Variants in EBF1 observed in about 807,000 individuals in gnomAD.
The protein encoded by EBF1 is EBF transcription factor 1.
In EBF1, 10 loss-of-function variants were observed where a neutral mutation model predicts 68.4. The ratio of observed to expected loss-of-function variants is 0.15; its 90% confidence interval spans 0.09 to 0.25. The LOEUF (loss-of-function observed/expected upper bound fraction) is 0.25. Among genes scored for constraint, EBF1 ranks in the 10% least tolerant of loss-of-function variants. The pLI, the probability that EBF1 is intolerant of heterozygous loss-of-function variation, is 1.00. For synonymous variants in EBF1, 298 were observed against 299.8 expected (o/e 0.99, Z 0.06); for missense variants, 509 against 794.4 (o/e 0.64, Z 4.32).
chr5:158,989,033 T>G (rs967678835), intron 6 of EBF1, among the ~76,000 whole-genome samples: 1 of 152,182 alleles, frequency 6.6e-6, no homozygotes, highest in Non-Finnish European at 1.5e-5. Context: ...AGGAACATCG[T>G]TGACGTGTCC....
At chr5:158,826,637 G>T (rs1458952244) in intron 7 of EBF1, among the ~76,000 whole-genome samples, 1 of 152,068 alleles carries the variant, frequency 6.6e-6, no homozygotes, top group Non-Finnish European at 1.5e-5. Context: ...TTTCTATTAG[G>T]GGGCTTTGCT....
At chr5:158,983,765 TA>T (rs766388953) in intron 6 of EBF1, 1 of 152,120 alleles carries the variant, frequency 6.6e-6, no homozygotes, top group East Asian at 1.9e-4. Flanking sequence ...AGGGAAAAGG[TA>T]TGACCAAATC....
intron 6 of EBF1, among the ~76,000 whole-genome samples, chr5:158,899,254 A>C (rs1802788671): frequency 6.6e-6 from 1 of 152,234 alleles, no homozygotes; most frequent in African/African-American, 2.4e-5. Context: ...TGGCACTGAA[A>C]ACAGGCCATG....
rs1339222907 is a variant in EBF1, at chr5:158,969,952, C to A, written c.554+103444G>T. On this transcript the variant is annotated intron_variant, in intron 6 of 15. Transcript: ENST00000313708. ...AAAAGGCTGCTGGAAGTTTTGCAAA[C>A]TTCAAATGCCTACAATGAAAATTGG... Among the ~76,000 whole-genome samples the A allele has an allele frequency of 1.4e-5, 2 of 145,550 alleles. 1 individual carries two copies. Among genetic ancestry groups the A allele is most frequent in the Non-Finnish European group, 3.0e-5 (2 of 66,266 alleles).
chr5:158,716,890 T>A (rs1478529772), intron 11 of EBF1, among the ~76,000 whole-genome samples: 6 of 152,160 alleles, frequency 3.9e-5, no homozygotes, highest in South Asian at 4.1e-4. Flanking sequence ...CTGTCCAAGG[T>A]GCTAAATTTA....
intron 6 of EBF1, among the ~76,000 whole-genome samples, chr5:158,940,531 T>A (rs1403690918): frequency 6.6e-6 from 1 of 152,182 alleles, no homozygotes; most frequent in South Asian, 2.1e-4. Context: ...TGGCAAGTGG[T>A]GAAGCTGGGA....
intron 6 of EBF1, among the ~76,000 whole-genome samples, chr5:158,869,427 G>A (rs928736188): frequency 1.3e-5 from 2 of 152,112 alleles, no homozygotes; most frequent in Non-Finnish European, 2.9e-5. Flanking sequence ...AGTCTGTGGG[G>A]TCACAGGAGG....
At chr5:158,750,008 G>A (rs950013138) in intron 10 of EBF1, among the ~76,000 whole-genome samples, 1 of 151,942 alleles carries the variant, frequency 6.6e-6, no homozygotes, top group Admixed American at 6.6e-5. Context: ...ATCTCCCTTT[G>A]GACAATGAGA....
intron 8 of EBF1, among the ~76,000 whole-genome samples, chr5:158,813,542 C>A (rs1354168581): frequency 6.6e-6 from 1 of 152,144 alleles, no homozygotes; most frequent in African/African-American, 2.4e-5. Flanking sequence ...GAAATTGGAT[C>A]CTTTCACCTG....
At chr5:158,742,362 A>G (rs1036190880) in intron 10 of EBF1, among the ~76,000 whole-genome samples, 2 of 152,270 alleles carry the variant, frequency 1.3e-5, no homozygotes, top group South Asian at 2.1e-4. Flanking sequence ...TTGACAGGAT[A>G]TATGTTCCTT....
At chr5:158,928,374 G>A (rs2127430147) in intron 6 of EBF1, among the ~76,000 whole-genome samples, 1 of 152,134 alleles carries the variant, frequency 6.6e-6, no homozygotes, top group South Asian at 2.1e-4. Flanking sequence ...ACAGAAATAG[G>A]AGCCCTGTTA....
At chr5:159,014,334 A>G (rs376830072) in intron 6 of EBF1, among the ~76,000 whole-genome samples, 32 of 152,342 alleles carry the variant, frequency 2.1e-4, no homozygotes, top group Admixed American at 5.2e-4. Flanking sequence ...CATGTCCCCA[A>G]AATTAACAGA....
chr5:159,076,599 A>C (rs1234961737), intron 5 of EBF1, among the ~76,000 whole-genome samples: 1 of 152,228 alleles, frequency 6.6e-6, no homozygotes, highest in Non-Finnish European at 1.5e-5. Context: ...AGAAAAAAGA[A>C]TAAAGGGCTG....
intron 6 of EBF1, among the ~76,000 whole-genome samples, chr5:158,915,231 A>G (rs1191127442): frequency 2.6e-5 from 4 of 152,218 alleles, no homozygotes. Context: ...ATGGGCAGCC[A>G]CCGGGATGAT....
chr5:158,811,513 C>T (rs909115306), intron 8 of EBF1, among the ~76,000 whole-genome samples: 3 of 152,174 alleles, frequency 2.0e-5, no homozygotes, highest in African/African-American at 7.2e-5. Flanking sequence ...TAAAGGATGG[C>T]CTCAGTTTCC....
At chr5:158,777,747 C>T (rs919030239) in intron 9 of EBF1, among the ~76,000 whole-genome samples, 5 of 152,176 alleles carry the variant, frequency 3.3e-5, no homozygotes, top group Non-Finnish European at 7.4e-5. Context: ...TCTGGGTTTT[C>T]CTACATGGCA....
At position 158,696,496 on chromosome 5, in the gene EBF1, G is replaced by GAAAC. The variant is rs1196637287; in HGVS notation, c.*2611_*2614dup. ...TCCCGGCTGACCGTTCATTCCTTCA[G>GAAAC]AAACAGTTAAGGGGCTCACCAGATA... is the stretch of plus-strand genomic sequence containing the variant. On this transcript the variant is annotated 3_prime_UTR_variant, in exon 16 of 16. Coordinates refer to ENST00000313708, the MANE Select transcript of EBF1 (RefSeq NM_024007.5). 3 of 224,394 alleles carry GAAAC rather than the reference G, an allele frequency of 1.3e-5. No homozygotes were observed. The highest frequency in any genetic ancestry group is 6.4e-5 in the East Asian group (1 of 15,726). The allele number at this position is 224,394 out of a possible 1,614,324, so 13.9% of individuals were successfully genotyped here.
At chr5:158,927,098 A>G (rs1459752992) in intron 6 of EBF1, among the ~76,000 whole-genome samples, 3 of 152,222 alleles carry the variant, frequency 2.0e-5, no homozygotes, top group Non-Finnish European at 4.4e-5. Flanking sequence ...AGATGCATAA[A>G]AAGATTTGCA....
chr5:158,743,843 G>C (rs1766964110), intron 10 of EBF1, among the ~76,000 whole-genome samples: 1 of 152,072 alleles, frequency 6.6e-6, no homozygotes, highest in African/African-American at 2.4e-5. Flanking sequence ...AGAAGATCTA[G>C]GTAAAAATAT....
Sources: gnomAD v4.1 joint callset for allele counts (sites outside exome capture counted in the v4.1 genomes callset) on GRCh38, gnomAD v4.1.1 for gene constraint, MANE v1.5 for transcripts, NCBI Gene and HGNC (gene_info 2026-07-23, HGNC 2026-07-21) for gene names.